Variants in ZNF587 observed in about 807,000 individuals in gnomAD.
The protein encoded by ZNF587 is zinc finger protein zfp6.
ZNF587 carries 8 observed loss-of-function variants against 7.5 expected under a neutral mutation model. The ratio of observed to expected loss-of-function variants is 1.06; its 90% CI spans 0.62 to 1.92. The LOEUF (loss-of-function observed/expected upper bound fraction) is 1.92. ZNF587 is among the 40% of genes most tolerant of loss of function. The pLI, the probability that ZNF587 is intolerant of heterozygous loss-of-function variation, is 0.00. For missense variants in ZNF587, 468 were observed against 692.8 expected (o/e 0.68, Z 3.64); for synonymous variants, 145 against 237.8 (o/e 0.61, Z 3.59).
At chr19:57,856,323 G>T (rs2071355463) in intron 2 of ZNF587, 90 bp downstream of exon 2, 1 of 1,512,972 alleles carries the variant, frequency 6.6e-7, no homozygotes, top group African/African-American at 1.4e-5. Context: ...CACCTAAGGA[G>T]CCTGGACACA....
In ZNF587 at chr19:57,860,281, C is replaced by A. The variant is rs754544749; in HGVS notation, c.*141C>A. 18 of 1,497,930 alleles carry A rather than the reference C, an allele frequency of 1.2e-5. No homozygotes were observed. The East Asian group carries it at 4.1e-4, about 34-fold the overall frequency. 92.8% of individuals were successfully genotyped at this position (1,497,930 alleles called of 1,614,324 possible). On this transcript the variant is annotated 3_prime_UTR_variant, in exon 3 of 3. Coordinates refer to ENST00000339656, the MANE Select transcript of ZNF587 (RefSeq NM_032828.4). The stretch of plus-strand genomic sequence containing the variant: ...TGCTGTCCTCGGTCTTAAGCGACTT[C>A]GTGTTGAGATGGAGTCTTGTTCTGT...
At chr19:57,850,567 A>C (rs1159817792) in intron 1 of ZNF587, 2 of 412,480 alleles carry the variant, frequency 4.8e-6, no homozygotes, top group African/African-American at 2.0e-5. Context: ...AGGATCTGCA[A>C]AATGCCCCAA....
Position 57,861,462 on chromosome 19 carries a change from C to G in ZNF587, c.*1322C>G, listed in dbSNP as rs2122363117. Reference sequence around the variant, plus strand: ...CTGCCCACCTCAGCCTCCAGAGTAGCTGGAAATACAGGTATGCACCACCAC... The same window carrying G: ...CTGCCCACCTCAGCCTCCAGAGTAGGTGGAAATACAGGTATGCACCACCAC... On this transcript the variant is annotated 3_prime_UTR_variant, in exon 3 of 3. Coordinates refer to ENST00000339656, the MANE Select transcript of ZNF587 (RefSeq NM_032828.4). 6.6e-6 allele frequency: 1 copy of G among 152,292 alleles called. No individual in the cohort carries two copies. Among genetic ancestry groups the G allele is most frequent in the Middle Eastern group, 3.4e-3 (1 of 296 alleles). The allele number at this position is 152,292 out of a possible 1,614,324, so 9.4% of individuals were successfully genotyped here. A position where few individuals can be genotyped will look rare whatever the true frequency, so the allele number is the denominator to read the frequency against.
At chr19:57,853,567 T>C (rs564213395) in intron 1 of ZNF587, among the ~76,000 whole-genome samples, 8 of 152,258 alleles carry the variant, frequency 5.3e-5, no homozygotes, top group South Asian at 4.1e-4. Flanking sequence ...ATTGATGTTA[T>C]TGGGCTTCCT....
At chr19:57,854,870 G>A (rs542201874) in intron 1 of ZNF587, among the ~76,000 whole-genome samples, 7 of 150,316 alleles carry the variant, frequency 4.7e-5, no homozygotes, top group Admixed American at 1.3e-4. Flanking sequence ...GTGAAACCCC[G>A]TCTCTACTAA....
intron 1 of ZNF587, chr19:57,850,972 T>C (rs1419014918): frequency 6.4e-6 from 1 of 157,038 alleles, no homozygotes; most frequent in African/African-American, 2.4e-5. Flanking sequence ...GCCAAGATGT[T>C]TGATTATGCT....
chr19:57,858,015 A>G (rs962142542), intron 2 of ZNF587: 2 of 155,198 alleles, frequency 1.3e-5, no homozygotes, highest in Non-Finnish European at 2.8e-5. Flanking sequence ...AAGGAGCTGT[A>G]GACCCTGCCT....
chr19:57,855,519 C>T (rs538831708), intron 1 of ZNF587, among the ~76,000 whole-genome samples: 9 of 150,578 alleles, frequency 6.0e-5, no homozygotes, highest in East Asian at 3.9e-4. Flanking sequence ...TTGGGCTTTA[C>T]GTGACCTTGG....
At position 57,865,116 on chromosome 19, in the gene ZNF587, A is replaced by G. The variant is rs1061996; in HGVS notation, c.*4976A>G. ...TATATGTCAAACTTTTTTTGTACAA[A>G]AGATTCATACCTCTTTCCTGTTTGA... On this transcript the variant is annotated 3_prime_UTR_variant, in exon 3 of 3. Transcript: ENST00000339656. 7 of 151,880 alleles carry G rather than the reference A, an allele frequency of 4.6e-5. No homozygotes were observed. The highest frequency in any genetic ancestry group is 1.7e-4 in the African/African-American group (7 of 41,352). The allele number at this position is 151,880 out of a possible 1,614,324, so 9.4% of individuals were successfully genotyped here. A position where few individuals can be genotyped will look rare whatever the true frequency, so the allele number is the denominator to read the frequency against.
At chr19:57,857,557 T>A (rs987931370) in intron 2 of ZNF587, among the ~76,000 whole-genome samples, 4 of 152,022 alleles carry the variant, frequency 2.6e-5, no homozygotes, top group Admixed American at 6.6e-5. Flanking sequence ...GTACTCATGT[T>A]TTCTTGGTCT....
At position 57,861,773 on chromosome 19, in the gene ZNF587, CTTTTTTT is replaced by C. The variant is rs59253366; in HGVS notation, c.*1643_*1649del. On this transcript the variant is annotated 3_prime_UTR_variant, in exon 3 of 3. Coordinates refer to ENST00000339656, the MANE Select transcript of ZNF587 (RefSeq NM_032828.4). ...TTTGCTGCAAGGAATATTTGGTTTTCTTTTTTTTTTTTTTTTCCAGATGGAGTCTAGC... is the reference window on the plus strand; with the variant it reads ...TTTGCTGCAAGGAATATTTGGTTTTCTTTTTTTTTCCAGATGGAGTCTAGC... 1.7e-5 allele frequency: 2 copies of C among 119,288 alleles called. No homozygotes were observed. The highest frequency in any genetic ancestry group is 6.8e-5 in the African/African-American group (2 of 29,268). The allele number at this position is 119,288 out of a possible 1,614,324, so 7.4% of individuals were successfully genotyped here. A position where few individuals can be genotyped will look rare whatever the true frequency, so the allele number is the denominator to read the frequency against.
intron 1 of ZNF587, chr19:57,850,613 A>G (rs2071269612): frequency 5.0e-6 from 2 of 401,154 alleles, no homozygotes; most frequent in South Asian, 2.4e-4. Context: ...CCAGCCCCAC[A>G]CCACCCAGCA....
At chr19:57,853,006 C>T (rs886204844) in intron 1 of ZNF587, among the ~76,000 whole-genome samples, 1 of 150,818 alleles carries the variant, frequency 6.6e-6, no homozygotes, top group Non-Finnish European at 1.5e-5. Flanking sequence ...GCATGTACCA[C>T]CACACTCGGC....
intron 1 of ZNF587, chr19:57,851,555 G>T: frequency 6.5e-6 from 1 of 154,302 alleles, no homozygotes; most frequent in South Asian, 1.8e-4. Flanking sequence ...TGGGGAGAGT[G>T]ACAGGCACAG....
At position 57,860,195 on chromosome 19, in the gene ZNF587, G is replaced by T. The variant is rs752489240; in HGVS notation, c.*55G>T. On this transcript the variant is annotated 3_prime_UTR_variant, in exon 3 of 3. Transcript: ENST00000339656. ...AAGCATCCCGTCTCGTTAAACACAG[G>T]AGAGTTCATACTGGAGAAAGGCCTT... 1.2e-6 allele frequency: 2 copies of T among 1,613,742 alleles called. No homozygotes were observed. Among genetic ancestry groups the T allele is most frequent in the Non-Finnish European group, 1.7e-6 (2 of 1,179,736 alleles).
At chr19:57,855,239 GGAGGCT>G (rs538415706) in intron 1 of ZNF587, among the ~76,000 whole-genome samples, 55 of 152,152 alleles carry the variant, frequency 3.6e-4, no homozygotes, top group African/African-American at 1.3e-3. Context: ...CAGCTACTTG[GGAGGCT>G]GAGGCACAAG....
At chr19:57,852,825 G>A (rs1432493925) in intron 1 of ZNF587, among the ~76,000 whole-genome samples, 1 of 127,806 alleles carries the variant, frequency 7.8e-6, no homozygotes, top group African/African-American at 3.0e-5. Context: ...AATGCGCCCA[G>A]CCGAGACAGC....
rs753548907 is a variant in ZNF587, at chr19:57,860,276, G to A, written c.*136G>A. The A allele has an allele frequency of 1.1e-5, 17 of 1,520,612 alleles. No homozygotes were observed. The highest frequency in any genetic ancestry group is 1.7e-4 in the Middle Eastern group (1 of 5,736). 94.2% of individuals were successfully genotyped at this position (1,520,612 alleles called of 1,614,324 possible). On this transcript the variant is annotated 3_prime_UTR_variant, in exon 3 of 3. Coordinates refer to ENST00000339656, the MANE Select transcript of ZNF587 (RefSeq NM_032828.4). Reference sequence around the variant, plus strand: ...ATGTCTGCTGTCCTCGGTCTTAAGCGACTTCGTGTTGAGATGGAGTCTTGT... The same window carrying A: ...ATGTCTGCTGTCCTCGGTCTTAAGCAACTTCGTGTTGAGATGGAGTCTTGT...
chr19:57,856,093 C>G lies in ZNF587; in HGVS notation c.34-11C>G, dbSNP rs1159395353. 5.6e-6 allele frequency: 9 copies of G among 1,612,476 alleles called. No individual in the cohort carries two copies. The highest frequency in any genetic ancestry group is 6.8e-6 in the Non-Finnish European group (8 of 1,179,458). ...AGGGGCTGCTTGTGGTTTCATCTGT[C>G]ACTATCATAGCAGGGCACTGTGACC... On this transcript the variant is annotated splice_polypyrimidine_tract_variant and intron_variant, in intron 1 of 2. Coordinates refer to ENST00000339656, the MANE Select transcript of ZNF587 (RefSeq NM_032828.4).
Sources: gnomAD v4.1 joint callset for allele counts (sites outside exome capture counted in the v4.1 genomes callset) on GRCh38, gnomAD v4.1.1 for gene constraint, MANE v1.5 for transcripts, NCBI Gene and HGNC (gene_info 2026-07-23, HGNC 2026-07-21) for gene names.